Variants in RANBP2 observed in about 807,000 individuals in gnomAD.
RANBP2 encodes RAN binding protein 2.
A neutral mutation model predicts 303.6 loss-of-function variants in RANBP2; 57 were observed. The observed-to-expected ratio is 0.19, with a 90% CI of 0.15 to 0.23. The LOEUF (loss-of-function observed/expected upper bound fraction) is 0.23, where lower values mean the gene tolerates loss of function less well. Among genes scored for constraint, RANBP2 ranks in the 10% least tolerant of loss-of-function variants. RANBP2 has a pLI of 1.00. For missense variants in RANBP2, 3,138 were observed against 3,780.8 expected, an observed-to-expected ratio of 0.83 and a Z score of 4.46; for synonymous variants, 1,167 against 1,301.5, an observed-to-expected ratio of 0.90 and a Z score of 2.23.
At chr2:109,744,640 C>A in the RANBP2 span, among the ~76,000 whole-genome samples, 1 of 98,170 alleles carries the variant, frequency 1.0e-5, no homozygotes, top group Admixed American at 1.0e-4. Context: ...AGTAGATATA[C>A]AAATGGCAAA....
At chr2:108,776,386 TGTTAAATTAATTATTCA>T (rs1269842820) in intron 24 of RANBP2, among the ~76,000 whole-genome samples, 9 of 152,182 alleles carry the variant, frequency 5.9e-5, no homozygotes, top group African/African-American at 1.9e-4. Context: ...TTTTAAAGCT[TGTTAAATTAATTATTCA>T]GTTACAGTAA....
At chr2:109,629,328 TATATATATATATATATATA>T in the RANBP2 span, among the ~76,000 whole-genome samples, 1 of 13,084 alleles carries the variant, frequency 7.6e-5, no homozygotes, top group African/African-American at 2.7e-4. Context: ...TATATATATA[TATATATATATATATATATA>T]TATATATATT....
chr2:109,283,229 C>T, the RANBP2 span, among the ~76,000 whole-genome samples: 7 of 152,320 alleles, frequency 4.6e-5, 1 homozygote, highest in African/African-American at 1.7e-4. Flanking sequence ...GCCTGGCAGT[C>T]TCCCGCTCTG....
the RANBP2 span, chr2:109,543,965 T>C: frequency 8.6e-6 from 5 of 583,868 alleles, no homozygotes; most frequent in East Asian, 1.4e-4. Flanking sequence ...AAAAATTTTG[T>C]GCAAGAAACA....
At chr2:109,366,174 T>G in the RANBP2 span, among the ~76,000 whole-genome samples, 1 of 152,218 alleles carries the variant, frequency 6.6e-6, no homozygotes, top group East Asian at 1.9e-4. Context: ...TTTCTAGGTA[T>G]ATATATATTT....
At chr2:108,877,937 G>A in the RANBP2 span, among the ~76,000 whole-genome samples, 1 of 152,178 alleles carries the variant, frequency 6.6e-6, no homozygotes, top group African/African-American at 2.4e-5. Context: ...GAAGGTAATA[G>A]GGAGCTCTAC....
chr2:108,815,580 C>G, the RANBP2 span, among the ~76,000 whole-genome samples: 3 of 151,248 alleles, frequency 2.0e-5, no homozygotes, highest in African/African-American at 4.9e-5. Flanking sequence ...ATTCTCCTCC[C>G]TCAGCCTTCC....
the RANBP2 span, among the ~76,000 whole-genome samples, chr2:109,420,532 G>GC: frequency 1.6e-4 from 24 of 151,962 alleles, no homozygotes; most frequent in African/African-American, 5.6e-4. Flanking sequence ...TGCAAGCTCC[G>GC]CCCCCCAGGT....
the RANBP2 span, among the ~76,000 whole-genome samples, chr2:109,701,747 C>T: frequency 1.3e-4 from 20 of 152,234 alleles, no homozygotes; most frequent in South Asian, 6.2e-4. Flanking sequence ...AGGAATAAAA[C>T]GGAGGCAGGT....
At chr2:108,778,802 C>T (rs1678048041) in intron 25 of RANBP2, among the ~76,000 whole-genome samples, 2 of 150,234 alleles carry the variant, frequency 1.3e-5, no homozygotes, top group East Asian at 4.0e-4. Context: ...ACACAGCTCA[C>T]TGCTGCCTTG....
the RANBP2 span, chr2:109,614,148 C>G: frequency 2.5e-6 from 3 of 1,198,732 alleles, no homozygotes; most frequent in South Asian, 4.3e-5. Flanking sequence ...GAAGACGGCG[C>G]GAGGAATGCA....
At chr2:109,261,917 G>T in the RANBP2 span, among the ~76,000 whole-genome samples, 1,113 of 152,048 alleles carry the variant, frequency 7.3e-3, 8 homozygotes, top group South Asian at 0.024. Context: ...TGCATTCAGT[G>T]TGGTGTGTAT....
the RANBP2 span, among the ~76,000 whole-genome samples, chr2:109,378,993 C>G: frequency 6.6e-6 from 1 of 152,200 alleles, no homozygotes; most frequent in Non-Finnish European, 1.5e-5. Flanking sequence ...CATCCTGTAG[C>G]CACTGTGGCT....
At chr2:109,246,972 CA>C in the RANBP2 span, among the ~76,000 whole-genome samples, 2 of 152,250 alleles carry the variant, frequency 1.3e-5, no homozygotes, top group Non-Finnish European at 2.9e-5. Flanking sequence ...GAGGAGGACT[CA>C]TGGTGGAGGA....
At chr2:109,356,477 T>C in the RANBP2 span, among the ~76,000 whole-genome samples, 2 of 152,236 alleles carry the variant, frequency 1.3e-5, no homozygotes, top group South Asian at 4.1e-4. Context: ...GGGTTTTAGA[T>C]GCCACATATG....
the RANBP2 span, among the ~76,000 whole-genome samples, chr2:109,528,301 G>A: frequency 2.6e-5 from 4 of 152,364 alleles, no homozygotes; most frequent in East Asian, 7.7e-4. Flanking sequence ...CCCCAGCCCA[G>A]CACAAGGCCC....
chr2:109,509,992 G>A, the RANBP2 span, among the ~76,000 whole-genome samples: 1 of 152,212 alleles, frequency 6.6e-6, no homozygotes, highest in South Asian at 2.1e-4. Flanking sequence ...GGAGAGGTGA[G>A]GGGCATGGAG....
chr2:108,794,443 T>TC, the RANBP2 span: 1 of 1,106,100 alleles, frequency 9.0e-7, no homozygotes, highest in Non-Finnish European at 1.3e-6. Flanking sequence ...TAATGTTATA[T>TC]TTTGTACTTA....
chr2:109,279,852 G>A, the RANBP2 span, among the ~76,000 whole-genome samples: 3 of 152,120 alleles, frequency 2.0e-5, no homozygotes, highest in Non-Finnish European at 4.4e-5. Context: ...GGCCTGCCCT[G>A]TAGCGAGGCT....
Sources: gnomAD v4.1 joint callset for allele counts (sites outside exome capture counted in the v4.1 genomes callset) on GRCh38, gnomAD v4.1.1 for gene constraint, MANE v1.5 for transcripts, NCBI Gene and HGNC (gene_info 2026-07-23, HGNC 2026-07-21) for gene names.